The following GRIN2B variants were observed in gnomAD, a reference collection of about 807,000 sequenced individuals.
GRIN2B encodes the protein glutamate ionotropic receptor NMDA type subunit 2B.
GRIN2B carries 5 observed loss-of-function variants against 114.5 expected under a neutral mutation model. The observed-to-expected ratio is 0.04, with a 90% CI of 0.02 to 0.09. The LOEUF (loss-of-function observed/expected upper bound fraction) is 0.09, where lower values mean the gene tolerates loss of function less well. Ranked by LOEUF, GRIN2B falls within the 10% of genes least tolerant of loss-of-function variation. GRIN2B has a pLI of 1.00. For missense variants in GRIN2B, 1,108 were observed against 1,943.5 expected (o/e 0.57, Z 8.08); for synonymous variants, 787 against 745.1 (o/e 1.06, Z -0.92).
chr12:13,793,637 C>T (rs1207044557), intron 3 of GRIN2B, among the ~76,000 whole-genome samples: 1 of 152,116 alleles, frequency 6.6e-6, no homozygotes, highest in Non-Finnish European at 1.5e-5. Context: ...TCATCAGTTC[C>T]CAAGGGGCTC....
At chr12:13,621,712 G>T (rs984448976) in intron 5 of GRIN2B, among the ~76,000 whole-genome samples, 1 of 10,850 alleles carries the variant, frequency 9.2e-5, no homozygotes, top group East Asian at 2.2e-3. Flanking sequence ...GAATAGCTGG[G>T]AATTTCTCCT....
chr12:13,899,466 A>G (rs1409369307), intron 2 of GRIN2B, among the ~76,000 whole-genome samples: 1 of 144,924 alleles, frequency 6.9e-6, no homozygotes, highest in African/African-American at 2.4e-5. Flanking sequence ...TTCAACCCAA[A>G]TGAAAATGAA....
In GRIN2B at chr12:13,970,686, A is replaced by AACACACACACACACACACAC. The variant is rs5796570; in HGVS notation, c.-19+9222_-19+9241dup. On this transcript the variant is annotated intron_variant, in intron 2 of 13. Transcript: ENST00000609686. ...ATTTCTCTTCTACATGCAGGCTCTAAACACACACACACACACACACACACA... is the reference window on the plus strand; with the variant it reads ...ATTTCTCTTCTACATGCAGGCTCTAAACACACACACACACACACACACACACACACACACACACACACACA... Among the ~76,000 whole-genome samples the AACACACACACACACACACAC allele has an allele frequency of 1.1e-4, 16 of 145,134 alleles. 1 individual carries two copies. Among genetic ancestry groups the AACACACACACACACACACAC allele is most frequent in the African/African-American group, 4.1e-4 (16 of 38,556 alleles).
rs1948336445 is a variant in GRIN2B, at chr12:13,545,993, T to C, written c.*16790A>G. On this transcript the variant is annotated 3_prime_UTR_variant, in exon 14 of 14. Transcript: ENST00000609686. ...TTGTAATCGAATCTAGCAATTTTCTTTCTGAAGTAAACAGTAATCACATTA... is the reference window on the plus strand; with the variant it reads ...TTGTAATCGAATCTAGCAATTTTCTCTCTGAAGTAAACAGTAATCACATTA... 6.6e-6 allele frequency: 1 copy of C among 152,224 alleles called. No individual in the cohort carries two copies. The highest frequency in any genetic ancestry group is 2.4e-5 in the African/African-American group (1 of 41,454). The allele number at this position is 152,224 out of a possible 1,614,324, so 9.4% of individuals were successfully genotyped here.
chr12:13,947,148 C>T (rs886365146), intron 2 of GRIN2B, among the ~76,000 whole-genome samples: 1 of 152,198 alleles, frequency 6.6e-6, no homozygotes, highest in Non-Finnish European at 1.5e-5. Context: ...TTCATGTACT[C>T]ACAAAAGTAT....
At chr12:13,689,675 C>T (rs1247386928) in intron 4 of GRIN2B, among the ~76,000 whole-genome samples, 1 of 152,128 alleles carries the variant, frequency 6.6e-6, no homozygotes. Flanking sequence ...ACTACTTGCT[C>T]AAACATCTCC....
intron 3 of GRIN2B, among the ~76,000 whole-genome samples, chr12:13,791,081 G>A (rs1337685369): frequency 6.6e-6 from 1 of 152,082 alleles, no homozygotes; most frequent in African/African-American, 2.4e-5. Context: ...ATTCAGCATA[G>A]GTCATAATAT....
At position 13,563,793 on chromosome 12, in the gene GRIN2B, C is replaced by G; in HGVS notation, c.3445G>C (p.Val1149Leu). ...TCCTTGTAGATGTCGGTCAGGTCTA[C>G]GTGCTCCCAGTGGGGTGAGTTCTCC... ...TKENSPHWEH[V>L]DLTDIYKERS... Residue 1149 changes from valine (V) to leucine (L), a missense_variant, in exon 14 of 14, where the codon GTA (valine) becomes CTA (leucine). Val to Leu is a conservative substitution (Grantham distance 32, BLOSUM62 1). Transcript: ENST00000609686. The G allele has an allele frequency of 6.2e-7, 1 of 1,613,766 alleles. No homozygotes were observed. The highest frequency in any genetic ancestry group is 1.1e-5 in the South Asian group (1 of 91,064).
intron 5 of GRIN2B, among the ~76,000 whole-genome samples, chr12:13,648,804 T>G (rs986487939): frequency 3.3e-5 from 5 of 152,036 alleles, no homozygotes; most frequent in African/African-American, 1.2e-4. Flanking sequence ...CTAAATTACA[T>G]GCTAAATTAA....
chr12:13,646,191 T>C (rs974562997), intron 5 of GRIN2B, among the ~76,000 whole-genome samples: 2 of 152,120 alleles, frequency 1.3e-5, no homozygotes, highest in Non-Finnish European at 2.9e-5. Flanking sequence ...CAAAGACATA[T>C]ATGCAACATT....
At chr12:13,877,447 G>A (rs781238778) in intron 2 of GRIN2B, among the ~76,000 whole-genome samples, 60 of 152,140 alleles carry the variant, frequency 3.9e-4, no homozygotes, top group Non-Finnish European at 4.0e-4. Context: ...AAGCATAACC[G>A]AATTGTGAAC....
intron 3 of GRIN2B, among the ~76,000 whole-genome samples, chr12:13,794,207 C>CAAAAAAAAAAAAAAAGAA (rs1864372924): frequency 9.7e-6 from 1 of 103,066 alleles, no homozygotes; most frequent in African/African-American, 3.9e-5. Flanking sequence ...GACTCTGTCT[C>CAAAAAAAAAAAAAAAGAA]AAAAAAAAAA....
rs377297921 is a variant in GRIN2B at position 13,919,965 on chromosome 12, C to G, written c.-18-53739G>C. The stretch of plus-strand genomic sequence containing the variant: ...CACATTCCTGCAGAGGAATACACCA[C>G]AAAGCCTTGCCATCAATTCAGATTT... On this transcript the variant is annotated intron_variant, in intron 2 of 13. Transcript: ENST00000609686. Among the ~76,000 whole-genome samples the G allele has an allele frequency of 2.6e-5, 4 of 152,282 alleles. No individual in the cohort carries two copies. The East Asian group carries it at 7.7e-4, about 29-fold the overall frequency.
intron 4 of GRIN2B, among the ~76,000 whole-genome samples, chr12:13,687,165 C>A (rs1950179932): frequency 6.6e-6 from 1 of 152,134 alleles, no homozygotes; most frequent in African/African-American, 2.4e-5. Context: ...AAATTACCAG[C>A]CTTGAGTTTT....
chr12:13,717,235 G>A (rs76220412), intron 4 of GRIN2B, among the ~76,000 whole-genome samples: 3,058 of 151,714 alleles, frequency 0.02, 75 homozygotes, highest in African/African-American at 0.055. Flanking sequence ...CAGGAGACTT[G>A]GGATTCATAA....
At chr12:13,665,656 A>G (rs1362873797) in intron 5 of GRIN2B, among the ~76,000 whole-genome samples, 2 of 152,194 alleles carry the variant, frequency 1.3e-5, no homozygotes, top group South Asian at 2.1e-4. Context: ...ACTTACATGT[A>G]CAAGTATTTC....
rs2136404080 is a variant in GRIN2B, at chr12:13,563,626, C to T, written c.3612G>A (p.Val1204=). The part of the protein sequence containing the change: ...PAPWEKNLTN[V]EWEDRSGGNF... ...TGCCCCCGGACCGGTCCTCCCACTC[C>T]ACGTTGGTCAGGTTCTTCTCCCAAG... The change falls in exon 14 of 14, where the codon GTG becomes GTA. Residue 1204 remains valine, a synonymous_variant. Transcript: ENST00000609686. 2 of 1,613,996 alleles carry T rather than the reference C, an allele frequency of 1.2e-6. No homozygotes were observed. The highest frequency in any genetic ancestry group is 1.7e-6 in the Non-Finnish European group (2 of 1,180,028).
At chr12:13,858,918 T>C (rs188264875) in intron 3 of GRIN2B, among the ~76,000 whole-genome samples, 11 of 152,348 alleles carry the variant, frequency 7.2e-5, no homozygotes, top group Middle Eastern at 3.4e-3. Context: ...CATGTCTAAA[T>C]GGAAGCAGGT....
intron 3 of GRIN2B, among the ~76,000 whole-genome samples, chr12:13,786,115 G>C (rs572117329): frequency 6.6e-6 from 1 of 152,294 alleles, no homozygotes; most frequent in South Asian, 2.1e-4. Context: ...AGTAAAGCTT[G>C]AGAGTTTTGC....
Sources: gnomAD v4.1 joint callset for allele counts (sites outside exome capture counted in the v4.1 genomes callset) on GRCh38, gnomAD v4.1.1 for gene constraint, MANE v1.5 for transcripts, NCBI Gene and HGNC (gene_info 2026-07-23, HGNC 2026-07-21) for gene names.